RSU1: variants seen among roughly 807,000 people sequenced by gnomAD.
The protein encoded by RSU1 is Ras suppressor protein 1, also known as rsu-1.
In RSU1, 26 loss-of-function variants were observed where a neutral mutation model predicts 31.1. The observed-to-expected ratio is 0.84, with a 90% CI of 0.61 to 1.16. RSU1 has a LOEUF of 1.16. Among genes scored for constraint, RSU1 ranks in the 50% most tolerant of loss-of-function variants. The pLI, the probability that RSU1 is intolerant of heterozygous loss-of-function variation, is 0.00. For missense variants in RSU1, 320 were observed against 339.1 expected, an observed-to-expected ratio of 0.94 and a Z score of 0.44; for synonymous variants, 164 against 136.3, an observed-to-expected ratio of 1.20 and a Z score of -1.41.
At chr10:16,617,759 C>G (rs1243868542) in intron 8 of RSU1, among the ~76,000 whole-genome samples, 1 of 152,210 alleles carries the variant, frequency 6.6e-6, no homozygotes, top group Admixed American at 6.5e-5. Flanking sequence ...ATTAATGGTG[C>G]TGTGAAAACT....
At chr10:16,757,002 G>C (rs963299267) in intron 4 of RSU1, among the ~76,000 whole-genome samples, 5 of 149,552 alleles carry the variant, frequency 3.3e-5, no homozygotes, top group African/African-American at 9.9e-5. Flanking sequence ...GGGTGTGTTT[G>C]GGGGTGTGGT....
chr10:16,801,097 TA>T (rs199590345), intron 2 of RSU1, among the ~76,000 whole-genome samples: 8,002 of 147,100 alleles, frequency 0.054, 254 homozygotes, highest in East Asian at 0.15. Flanking sequence ...ATCTTTTTTT[TA>T]AAAAAAAAAA....
At chr10:16,771,892 A>G (rs1297905938) in intron 3 of RSU1, among the ~76,000 whole-genome samples, 10 of 152,262 alleles carry the variant, frequency 6.6e-5, no homozygotes, top group Non-Finnish European at 1.5e-4. Context: ...AACATAAAAT[A>G]GCAAAGTATC....
At chr10:16,717,031 G>T (rs1836155819) in intron 7 of RSU1, among the ~76,000 whole-genome samples, 1 of 152,130 alleles carries the variant, frequency 6.6e-6, no homozygotes, top group African/African-American at 2.4e-5. Context: ...CTAGACACTT[G>T]CTCATAGGGA....
chr10:16,807,616 GCTT>G (rs762436413), intron 2 of RSU1, among the ~76,000 whole-genome samples: 1 of 152,206 alleles, frequency 6.6e-6, no homozygotes, highest in Non-Finnish European at 1.5e-5. Flanking sequence ...AGATTAAGTT[GCTT>G]CTTATGTTTT....
At chr10:16,802,300 A>T (rs1838173437) in intron 2 of RSU1, among the ~76,000 whole-genome samples, 1 of 152,196 alleles carries the variant, frequency 6.6e-6, no homozygotes, top group African/African-American at 2.4e-5. Flanking sequence ...TAAACAACTC[A>T]ATGTCCAAAA....
At chr10:16,695,672 T>C (rs1481619895) in intron 7 of RSU1, among the ~76,000 whole-genome samples, 1 of 152,174 alleles carries the variant, frequency 6.6e-6, no homozygotes, top group Non-Finnish European at 1.5e-5. Flanking sequence ...CCTAAATGAA[T>C]CTCATTAACA....
intron 8 of RSU1, among the ~76,000 whole-genome samples, chr10:16,662,989 A>AC (rs397818355): frequency 6.8e-6 from 1 of 145,988 alleles, no homozygotes; most frequent in Non-Finnish European, 1.5e-5. Flanking sequence ...AAAAAAAAAA[A>AC]CCCTCTAAGT....
At chr10:16,735,627 C>A (rs555624004) in intron 7 of RSU1, among the ~76,000 whole-genome samples, 1 of 152,276 alleles carries the variant, frequency 6.6e-6, no homozygotes, top group East Asian at 1.9e-4. Context: ...CACAGTTCAG[C>A]ATGGCTGGGG....
intron 8 of RSU1, among the ~76,000 whole-genome samples, chr10:16,610,037 C>T (rs139755413): frequency 6.6e-6 from 1 of 151,990 alleles, no homozygotes; most frequent in African/African-American, 2.4e-5. Flanking sequence ...TTTATTTAAC[C>T]CAATATAGCC....
At chr10:16,786,872 A>C (rs1016124014) in intron 2 of RSU1, among the ~76,000 whole-genome samples, 1 of 152,166 alleles carries the variant, frequency 6.6e-6, no homozygotes, top group Non-Finnish European at 1.5e-5. Context: ...CTGCAAGGAC[A>C]CCTGGAAGTT....
At chr10:16,755,012 T>C in intron 4 of RSU1, 23 bp from the exon 5 acceptor site, 1 of 1,477,946 alleles carries the variant, frequency 6.8e-7, no homozygotes, top group Admixed American at 1.7e-5. Context: ...GACAAAAATC[T>C]ATGTCATGAC....
Position 16,655,074 on chromosome 10 carries a change from AAG to A in RSU1, c.731+39947_731+39948del, listed in dbSNP as rs201489029. Among the ~76,000 whole-genome samples the A allele has an allele frequency of 6.2e-3, 479 of 77,528 alleles. 21 individuals are homozygous for A. The highest frequency in any genetic ancestry group is 0.012 in the Middle Eastern group (2 of 172). The allele number at this position is 77,528 out of a possible 152,430, so 50.9% of individuals were successfully genotyped here. A position where few individuals can be genotyped will look rare whatever the true frequency, so the allele number is the denominator to read the frequency against. Reference sequence around the variant, plus strand: ...GTCCCTTAAAAAAAAAAAAAAAAAAAAGAGAGAGAGAGAGAGAGAAATGCATT... The same window carrying A: ...GTCCCTTAAAAAAAAAAAAAAAAAAAAGAGAGAGAGAGAGAGAAATGCATT... On this transcript the variant is annotated intron_variant, in intron 8 of 8. Coordinates refer to ENST00000345264, the MANE Select transcript of RSU1 (RefSeq NM_012425.4).
At chr10:16,700,586 A>T (rs544572046) in intron 7 of RSU1, among the ~76,000 whole-genome samples, 52 of 152,248 alleles carry the variant, frequency 3.4e-4, no homozygotes, top group Non-Finnish European at 6.2e-4. Flanking sequence ...CATAATTCTC[A>T]TTATCATGTG....
intron 7 of RSU1, among the ~76,000 whole-genome samples, chr10:16,730,938 C>G (rs1433475895): frequency 6.6e-6 from 1 of 151,998 alleles, no homozygotes; most frequent in Non-Finnish European, 1.5e-5. Flanking sequence ...ATTCTTGTGC[C>G]TCAGTCTCTG....
Position 16,754,831 on chromosome 10 carries a change from T to G in RSU1, c.400+40A>C, listed in dbSNP as rs189751408. ...TAAATTTCCCTCTCAGAACGCAAAGTACAAGGTTGAGGAGATTTATAGAAT... is the reference window on the plus strand; with the variant it reads ...TAAATTTCCCTCTCAGAACGCAAAGGACAAGGTTGAGGAGATTTATAGAAT... On this transcript the variant is annotated intron_variant, in intron 5 of 8. Coordinates refer to ENST00000345264, the MANE Select transcript of RSU1 (RefSeq NM_012425.4). 32 of 1,299,132 alleles carry G rather than the reference T, an allele frequency of 2.5e-5. No individual in the cohort carries two copies. In the Admixed American group the frequency reaches 3.7e-4, roughly 15 times the overall value. 80.5% of individuals were successfully genotyped at this position (1,299,132 alleles called of 1,614,324 possible). A position where few individuals can be genotyped will look rare whatever the true frequency, so the allele number is the denominator to read the frequency against.
Position 16,708,200 on chromosome 10 carries a change from G to A in RSU1, c.599-13045C>T, listed in dbSNP as rs138123571. ...GCCTACTATTGATCAGAAACCTTAC[G>A]GATAACATAGTCAATTAACATATTT... On this transcript the variant is annotated intron_variant, in intron 7 of 8. Coordinates refer to ENST00000345264, the MANE Select transcript of RSU1 (RefSeq NM_012425.4). 6.8e-4 allele frequency among the ~76,000 whole-genome samples: 104 copies of A among 151,992 alleles called. 1 individual carries two copies. In the East Asian group the frequency reaches 8.7e-3, roughly 13 times the overall value.
chr10:16,796,567 A>G (rs1250091759), intron 2 of RSU1, among the ~76,000 whole-genome samples: 1 of 152,210 alleles, frequency 6.6e-6, no homozygotes, highest in Non-Finnish European at 1.5e-5. Context: ...GCTTCAAAAC[A>G]GACTATGCCA....
intron 8 of RSU1, among the ~76,000 whole-genome samples, chr10:16,644,222 C>A (rs1021449861): frequency 6.6e-6 from 1 of 152,170 alleles, no homozygotes; most frequent in African/African-American, 2.4e-5. Context: ...CAATTCCTAT[C>A]TACAACTCAC....
Sources: gnomAD v4.1 joint callset for allele counts (sites outside exome capture counted in the v4.1 genomes callset) on GRCh38, gnomAD v4.1.1 for gene constraint, MANE v1.5 for transcripts, NCBI Gene and HGNC (gene_info 2026-07-23, HGNC 2026-07-21) for gene names.